MTSS1: variants seen among roughly 807,000 people sequenced by gnomAD.
The protein encoded by MTSS1 is MTSS I-BAR domain containing 1, also known as protein MTSS 1.
MTSS1 carries 18 observed loss-of-function variants against 79.0 expected under a neutral mutation model. The observed-to-expected ratio is 0.23, with a 90% CI of 0.16 to 0.34. MTSS1 has a LOEUF of 0.34. Among genes scored for constraint, MTSS1 ranks in the 10% least tolerant of loss-of-function variants. MTSS1 has a pLI of 1.00. For synonymous variants in MTSS1, 341 were observed against 368.6 expected (o/e 0.93, Z 0.86); for missense variants, 815 against 986.2 (o/e 0.83, Z 2.33).
intron 3 of MTSS1, among the ~76,000 whole-genome samples, chr8:124,655,538 G>A (rs957601507): frequency 2.6e-5 from 4 of 152,170 alleles, no homozygotes; most frequent in African/African-American, 2.4e-5. Flanking sequence ...CTGGCACCAC[G>A]CCATGCGCAG....
At chr8:124,703,331 C>T (rs140449972) in intron 2 of MTSS1, among the ~76,000 whole-genome samples, 3,124 of 152,238 alleles carry the variant, frequency 0.021, 42 homozygotes, top group Non-Finnish European at 0.032. Context: ...TTGCTCTTGT[C>T]GCCCAGGCTA....
chr8:124,703,186 T>C (rs1829940467), intron 2 of MTSS1, among the ~76,000 whole-genome samples: 1 of 152,170 alleles, frequency 6.6e-6, no homozygotes, highest in Non-Finnish European at 1.5e-5. Context: ...TTTCACCCTA[T>C]CCCCAAGCAA....
intron 3 of MTSS1, among the ~76,000 whole-genome samples, chr8:124,644,854 T>C (rs1818716463): frequency 6.6e-6 from 1 of 152,266 alleles, no homozygotes; most frequent in Non-Finnish European, 1.5e-5. Flanking sequence ...AAACATTTTA[T>C]GGAATTTGTG....
chr8:124,614,252 C>G (rs1313415763), intron 3 of MTSS1, among the ~76,000 whole-genome samples: 1 of 149,870 alleles, frequency 6.7e-6, no homozygotes, highest in African/African-American at 2.5e-5. Flanking sequence ...GGGGAAAGAA[C>G]AGGGGGATTA....
chr8:124,629,219 T>C (rs776997352), intron 3 of MTSS1, among the ~76,000 whole-genome samples: 11 of 151,998 alleles, frequency 7.2e-5, no homozygotes, highest in Admixed American at 1.3e-4. Context: ...AGCTAAGAAA[T>C]TCTGGAGCTA....
Position 124,604,028 on chromosome 8 carries a change from G to A in MTSS1, c.209-12793C>T, listed in dbSNP as rs191699229. 2.5e-3 allele frequency among the ~76,000 whole-genome samples: 378 copies of A among 152,060 alleles called. 1 individual carries two copies. Among genetic ancestry groups the A allele is most frequent in the Non-Finnish European group, 4.3e-3 (292 of 67,984 alleles). Reference sequence around the variant, plus strand: ...AGAGTTCAAGACCAGCCTGGCCAGCGTGGTGAAACCCCATCTCTACTAAAA... The same window carrying A: ...AGAGTTCAAGACCAGCCTGGCCAGCATGGTGAAACCCCATCTCTACTAAAA... On this transcript the variant is annotated intron_variant, in intron 3 of 13. Transcript: ENST00000518547.
intron 3 of MTSS1, among the ~76,000 whole-genome samples, chr8:124,637,369 C>T (rs558183390): frequency 2.0e-5 from 3 of 152,272 alleles, no homozygotes; most frequent in African/African-American, 2.4e-5. Flanking sequence ...AAGTGATGCA[C>T]ACTCATGGCC....
intron 3 of MTSS1, among the ~76,000 whole-genome samples, chr8:124,689,270 A>C (rs983081974): frequency 1.3e-5 from 2 of 152,156 alleles, no homozygotes; most frequent in Non-Finnish European, 2.9e-5. Context: ...AGCACAGAGG[A>C]GGCATCTATG....
chr8:124,599,393 G>A (rs1263909421), intron 3 of MTSS1, among the ~76,000 whole-genome samples: 2 of 147,356 alleles, frequency 1.4e-5, no homozygotes, highest in African/African-American at 5.0e-5. Flanking sequence ...TGAGGCAGGA[G>A]AATCACTTGA....
intron 3 of MTSS1, among the ~76,000 whole-genome samples, chr8:124,692,425 C>G (rs180821143): frequency 6.6e-6 from 1 of 151,812 alleles, no homozygotes. Flanking sequence ...TCTAATTACA[C>G]GAAAGAGTTC....
At chr8:124,699,192 C>G (rs967508331) in intron 3 of MTSS1, 2 of 253,748 alleles carry the variant, frequency 7.9e-6, no homozygotes, top group South Asian at 6.1e-5. Flanking sequence ...GGAAAACCCA[C>G]GTAAGGAGGA....
At chr8:124,600,395 A>AT (rs1382666872) in intron 3 of MTSS1, among the ~76,000 whole-genome samples, 14 of 152,254 alleles carry the variant, frequency 9.2e-5, no homozygotes, top group Non-Finnish European at 1.8e-4. Context: ...TGCAACTGGC[A>AT]TTTACAGGTT....
chr8:124,625,557 G>A (rs1039135777), intron 3 of MTSS1, among the ~76,000 whole-genome samples: 3 of 152,194 alleles, frequency 2.0e-5, no homozygotes, highest in South Asian at 2.1e-4. Flanking sequence ...CTTTCATGGC[G>A]AAGTTCAGCT....
At chr8:124,587,829 G>A (rs529838905) in intron 5 of MTSS1, among the ~76,000 whole-genome samples, 2 of 152,270 alleles carry the variant, frequency 1.3e-5, no homozygotes, top group East Asian at 3.9e-4. Flanking sequence ...TAATATAACT[G>A]CTAAGTATTT....
In MTSS1 at chr8:124,553,341, C is replaced by G. The variant is rs769507238; in HGVS notation, c.1919G>C (p.Arg640Pro). ...LPAPPDGPEE[R>P]GEHSPESPSV... is the part of the protein sequence containing the mutation. ...TGGCGACTCAGGGCTGTGCTCCCCCCGCTCTTCTGGCCCATCTGGAGGGGC... is the reference window on the plus strand; with the variant it reads ...TGGCGACTCAGGGCTGTGCTCCCCCGGCTCTTCTGGCCCATCTGGAGGGGC... The change falls in exon 14 of 14, where the codon CGG (arginine) becomes CCG (proline). Residue 640 changes from arginine to proline, a missense_variant. Physicochemically the swap from Arg to Pro is moderately radical, Grantham distance 103. This residue lies in a region of MTSS1 where 590 missense variants were observed against 620.8 expected (regional missense o/e 0.95). Coordinates refer to ENST00000518547, the MANE Select transcript of MTSS1 (RefSeq NM_014751.6). This position sits in a 1 kb window ranked among gnomAD's most constrained non-coding sequence, Gnocchi z 6.0. The G allele has an allele frequency of 2.5e-5, 41 of 1,613,474 alleles. No homozygotes were observed. In the East Asian group the frequency reaches 3.8e-4, roughly 15 times the overall value.
intron 6 of MTSS1, among the ~76,000 whole-genome samples, chr8:124,569,169 A>C (rs1343600034): frequency 6.6e-6 from 1 of 152,100 alleles, no homozygotes; most frequent in Non-Finnish European, 1.5e-5. Flanking sequence ...GATGATGAAA[A>C]ACTGAAAGTG....
In MTSS1 at chr8:124,672,958, T is replaced by C. The variant is rs61524198; in HGVS notation, c.208+26568A>G. On this transcript the variant is annotated intron_variant, in intron 3 of 13. Coordinates refer to ENST00000518547, the MANE Select transcript of MTSS1 (RefSeq NM_014751.6). ...GGCATGATGAAGAAGAAATGAGACC[T>C]CTCATTTATTGTCCAGGAAAGAGAG... Among the ~76,000 whole-genome samples the C allele has an allele frequency of 2.4e-3, 368 of 150,804 alleles. 8 individuals are homozygous for C. The East Asian group carries it at 0.038, about 16-fold the overall frequency.
chr8:124,690,241 T>C (rs553572025), intron 3 of MTSS1, among the ~76,000 whole-genome samples: 39 of 152,224 alleles, frequency 2.6e-4, no homozygotes, highest in African/African-American at 8.9e-4. Flanking sequence ...CACACACACA[T>C]CCAGATGTAA....
chr8:124,727,516 G>T lies in MTSS1; in HGVS notation c.72+368C>A. ...CCCCACCCCGTGCCCGGAGGAATCAGGTGTCCTCCCGGGCATCCAGCCCCC... is the reference window on the plus strand; with the variant it reads ...CCCCACCCCGTGCCCGGAGGAATCATGTGTCCTCCCGGGCATCCAGCCCCC... On this transcript the variant is annotated intron_variant, in intron 1 of 13. Transcript: ENST00000518547. The surrounding 1 kb of genome is among the most constrained non-coding windows in gnomAD (Gnocchi z 4.7). 1 of 467,952 alleles carries T rather than the reference G, an allele frequency of 2.1e-6. No individual in the cohort carries two copies. Among genetic ancestry groups the T allele is most frequent in the Non-Finnish European group, 4.2e-6 (1 of 235,450 alleles). The allele number at this position is 467,952 out of a possible 1,614,324, so 29.0% of individuals were successfully genotyped here. A position where few individuals can be genotyped will look rare whatever the true frequency, so the allele number is the denominator to read the frequency against.
Sources: gnomAD v4.1 joint callset for allele counts (sites outside exome capture counted in the v4.1 genomes callset) on GRCh38, gnomAD v4.1.1 for gene constraint, gnomAD v4.1.1 regional missense constraint, Gnocchi (gnomAD v3.1) non-coding constraint, MANE v1.5 for transcripts, NCBI Gene and HGNC (gene_info 2026-07-23, HGNC 2026-07-21) for gene names.